The following GRID1 variants were observed in gnomAD, a reference collection of about 807,000 sequenced individuals.
GRID1 encodes the protein glutamate ionotropic receptor delta type subunit 1, also known as glutamate receptor ionotropic, delta-1.
A neutral mutation model predicts 98.0 loss-of-function variants in GRID1; 28 were observed. The observed-to-expected ratio is 0.29, with a 90% CI of 0.21 to 0.39. GRID1 has a LOEUF of 0.39. Ranked by LOEUF, GRID1 falls within the 10% of genes least tolerant of loss-of-function variation. The pLI is 1.00. For synonymous variants in GRID1, 553 were observed against 538.5 expected, an observed-to-expected ratio of 1.03 and a Z score of -0.37; for missense variants, 1,111 against 1,340.5, an observed-to-expected ratio of 0.83 and a Z score of 2.67.
chr10:85,939,748 A>T lies in GRID1; in HGVS notation c.727-23509T>A, dbSNP rs116774085. ...TAATTTTCTTTCGTCCTGTAACATA[A>T]CATATTCATTGGTTCCAAGAGTTAA... On this transcript the variant is annotated intron_variant, in intron 4 of 15. Transcript: ENST00000327946. 8.3e-4 allele frequency among the ~76,000 whole-genome samples: 127 copies of T among 152,262 alleles called. 1 individual carries two copies. The highest frequency in any genetic ancestry group is 2.8e-3 in the African/African-American group (115 of 41,560).
chr10:86,172,000 G>T (rs1003229380), intron 3 of GRID1, among the ~76,000 whole-genome samples: 1 of 150,212 alleles, frequency 6.7e-6, no homozygotes, highest in African/African-American at 2.5e-5. Flanking sequence ...GCTTTATTGA[G>T]ATATAATTTA....
At chr10:85,940,637 C>T (rs1756257900) in intron 4 of GRID1, among the ~76,000 whole-genome samples, 2 of 152,228 alleles carry the variant, frequency 1.3e-5, no homozygotes, top group African/African-American at 2.4e-5. Context: ...CCAGTTACTG[C>T]TTCCATAATA....
At chr10:85,920,488 C>G (rs1035633983) in intron 4 of GRID1, among the ~76,000 whole-genome samples, 1 of 152,228 alleles carries the variant, frequency 6.6e-6, no homozygotes, top group African/African-American at 2.4e-5. Context: ...CCAACCCCAA[C>G]AGGCCATCCT....
chr10:85,970,706 A>T (rs765799916), intron 4 of GRID1, among the ~76,000 whole-genome samples: 16 of 152,100 alleles, frequency 1.1e-4, no homozygotes, highest in Non-Finnish European at 2.4e-4. Context: ...TCTATGAAAC[A>T]TCTGCAGCTA....
At chr10:86,255,071 G>A (rs1846896912) in intron 2 of GRID1, among the ~76,000 whole-genome samples, 1 of 152,140 alleles carries the variant, frequency 6.6e-6, no homozygotes, top group African/African-American at 2.4e-5. Context: ...CTTTCCCACT[G>A]TGTCTCCTGC....
chr10:86,337,052 C>G (rs887518820), intron 2 of GRID1, among the ~76,000 whole-genome samples: 1 of 151,766 alleles, frequency 6.6e-6, no homozygotes, highest in Non-Finnish European at 1.5e-5. Flanking sequence ...GGGGTTTCAC[C>G]GTGTTAGCCA....
chr10:85,953,506 A>C (rs1366558174), intron 4 of GRID1, among the ~76,000 whole-genome samples: 3 of 152,196 alleles, frequency 2.0e-5, no homozygotes, highest in Admixed American at 1.3e-4. Flanking sequence ...CCCTAACTTC[A>C]ACATTGTTCA....
intron 12 of GRID1, among the ~76,000 whole-genome samples, chr10:85,718,730 G>C (rs191906723): frequency 1.3e-5 from 2 of 152,284 alleles, no homozygotes; most frequent in East Asian, 3.9e-4. Context: ...ACCACATTTT[G>C]CTCCTGGGCC....
chr10:86,252,954 C>G (rs1846860617), intron 2 of GRID1, among the ~76,000 whole-genome samples: 1 of 152,136 alleles, frequency 6.6e-6, no homozygotes, highest in Admixed American at 6.5e-5. Context: ...ACTGACAGAA[C>G]CAGGGGCTCT....
At chr10:86,086,339 A>G (rs1174418265) in intron 4 of GRID1, among the ~76,000 whole-genome samples, 1 of 152,218 alleles carries the variant, frequency 6.6e-6, no homozygotes. Context: ...GACACTTAGG[A>G]GTCAAAAATA....
At chr10:86,135,348 C>A (rs1247557270) in intron 4 of GRID1, among the ~76,000 whole-genome samples, 1 of 152,210 alleles carries the variant, frequency 6.6e-6, no homozygotes, top group Non-Finnish European at 1.5e-5. Flanking sequence ...AAGCTCAAGG[C>A]AGAACAGGCC....
At chr10:86,164,847 G>C (rs981067100) in intron 3 of GRID1, among the ~76,000 whole-genome samples, 1 of 152,138 alleles carries the variant, frequency 6.6e-6, no homozygotes. Context: ...AAGGGGTAGT[G>C]GATGAAGCTG....
chr10:85,744,279 T>C (rs928704235), intron 8 of GRID1, among the ~76,000 whole-genome samples: 3 of 152,180 alleles, frequency 2.0e-5, no homozygotes, highest in African/African-American at 7.2e-5. Context: ...TGTTTGGGAA[T>C]TCAAGCTAAA....
At chr10:85,904,499 C>T (rs571421786) in intron 5 of GRID1, among the ~76,000 whole-genome samples, 1 of 152,158 alleles carries the variant, frequency 6.6e-6, no homozygotes, top group South Asian at 2.1e-4. Context: ...GAAAACTGCA[C>T]AGAGAGAGAA....
At chr10:86,086,963 A>G (rs979536634) in intron 4 of GRID1, among the ~76,000 whole-genome samples, 4 of 152,236 alleles carry the variant, frequency 2.6e-5, no homozygotes, top group African/African-American at 9.6e-5. Context: ...AGCTGTACAT[A>G]CATGCACTGT....
intron 4 of GRID1, among the ~76,000 whole-genome samples, chr10:86,013,810 G>C (rs1049061337): frequency 2.0e-5 from 3 of 152,196 alleles, no homozygotes; most frequent in Non-Finnish European, 4.4e-5. Flanking sequence ...GAAGTGCCTT[G>C]ATAAGATACG....
At chr10:86,054,782 C>T (rs900524590) in intron 4 of GRID1, among the ~76,000 whole-genome samples, 1 of 152,224 alleles carries the variant, frequency 6.6e-6, no homozygotes, top group African/African-American at 2.4e-5. Flanking sequence ...AATGGTCCCA[C>T]TTCCCAGTCC....
chr10:86,079,323 G>A (rs539492205), intron 4 of GRID1, among the ~76,000 whole-genome samples: 1 of 152,166 alleles, frequency 6.6e-6, no homozygotes, highest in Non-Finnish European at 1.5e-5. Flanking sequence ...AAGTCATCCT[G>A]GTTCTCCCTG....
At chr10:86,170,610 C>T (rs150580179) in intron 3 of GRID1, among the ~76,000 whole-genome samples, 27 of 152,328 alleles carry the variant, frequency 1.8e-4, no homozygotes, top group African/African-American at 5.8e-4. Context: ...TTGCAGAGAG[C>T]CTGCCATGGC....
Sources: allele counts gnomAD v4.1 joint callset (sites outside exome capture counted in the v4.1 genomes callset), GRCh38; gene constraint gnomAD v4.1.1; transcripts MANE v1.5; gene names NCBI Gene and HGNC (gene_info 2026-07-23, HGNC 2026-07-21).